Variants in B4GALNT3 observed in about 807,000 individuals in gnomAD.
B4GALNT3 encodes the protein beta-1,4-N-acetyl-galactosaminyltransferase 3, also known as beta-1,4-N-acetylgalactosaminyltransferase 3.
In B4GALNT3, 86 loss-of-function variants were observed where a neutral mutation model predicts 120.2. The ratio of observed to expected loss-of-function variants is 0.72; its 90% CI spans 0.60 to 0.86. The LOEUF (loss-of-function observed/expected upper bound fraction) is 0.86, where lower values mean the gene tolerates loss of function less well. B4GALNT3 is among the 40% of genes least tolerant of loss of function. The pLI, the probability that B4GALNT3 is intolerant of heterozygous loss-of-function variation, is 0.00. For missense variants in B4GALNT3, 1,167 were observed against 1,298.9 expected, an observed-to-expected ratio of 0.90 and a Z score of 1.56; for synonymous variants, 518 against 510.4, an observed-to-expected ratio of 1.01 and a Z score of -0.20.
chr12:553,121 C>T (rs1947103683), intron 13 of B4GALNT3, 73 bp from the exon 14 acceptor site: 7 of 1,565,276 alleles, frequency 4.5e-6, no homozygotes, highest in Admixed American at 3.5e-5. Context: ...GTATGATCAT[C>T]CTCTGTCTTG....
rs575924221 is a variant in B4GALNT3, at chr12:497,073, G to C, written c.169+36528G>C. ...TGGTCTCAAACGCCTGGCCTCAAGC[G>C]ATCCTTCCACCTCAGCCGCTGAGAG... On this transcript the variant is annotated intron_variant, in intron 1 of 19. Transcript: ENST00000266383. 8.5e-5 allele frequency among the ~76,000 whole-genome samples: 13 copies of C among 152,282 alleles called. No homozygotes were observed. In the South Asian group the frequency reaches 1.9e-3, roughly 22 times the overall value.
intron 1 of B4GALNT3, among the ~76,000 whole-genome samples, chr12:530,364 G>C (rs1227668167): frequency 6.6e-6 from 1 of 152,244 alleles, no homozygotes; most frequent in Non-Finnish European, 1.5e-5. Flanking sequence ...AAAGTGCTTT[G>C]AAGGGTTTTA....
intron 1 of B4GALNT3, among the ~76,000 whole-genome samples, chr12:485,391 C>G (rs563046228): frequency 6.6e-6 from 1 of 152,312 alleles, no homozygotes; most frequent in African/African-American, 2.4e-5. Context: ...AATCACTTGA[C>G]CACACAAATA....
intron 19 of B4GALNT3, among the ~76,000 whole-genome samples, chr12:560,711 T>C (rs1003667231): frequency 6.6e-6 from 1 of 152,222 alleles, no homozygotes; most frequent in African/African-American, 2.4e-5. Context: ...CACCTTGATC[T>C]CTGTGCTGGG....
Position 535,216 on chromosome 12 carries a change from C to G in B4GALNT3, c.220C>G (p.Pro74Ala). 1 of 1,613,958 alleles carries G rather than the reference C, an allele frequency of 6.2e-7. No homozygotes were observed. ...CAAGGCTCTGGCCAGCAGGAACATT[C>G]CAGCTGTGGATCCACACCTCCAGTT... Reference protein sequence around the residue: ...LAKALASRNIPAVDPHLQFYH... With the variant: ...LAKALASRNIAAVDPHLQFYH... Residue 74 changes from proline to alanine, a missense_variant, in exon 2 of 20, where the codon CCA becomes GCA. By Grantham distance (27) the Pro-to-Ala change is conservative (BLOSUM62 -1). Transcript: ENST00000266383.
intron 14 of B4GALNT3, 71 bp downstream of exon 14, chr12:554,054 C>T: frequency 9.1e-7 from 1 of 1,101,942 alleles, no homozygotes; most frequent in East Asian, 2.4e-5. Flanking sequence ...AAGGCAGGGG[C>T]CTAAGGGCTG....
At chr12:554,789 C>CAAAA (rs57194028) in intron 14 of B4GALNT3, among the ~76,000 whole-genome samples, 3 of 33,016 alleles carry the variant, frequency 9.1e-5, no homozygotes, top group Non-Finnish European at 1.2e-4. Context: ...GACTCCGTCT[C>CAAAA]AAAAAAAAAA....
chr12:491,759 A>G (rs1946341459), intron 1 of B4GALNT3, among the ~76,000 whole-genome samples: 2 of 152,098 alleles, frequency 1.3e-5, no homozygotes, highest in Non-Finnish European at 2.9e-5. Context: ...CATTGAAATC[A>G]GGAACAAGGC....
At position 545,485 on chromosome 12, in the gene B4GALNT3, C is replaced by T. The variant is rs1367755037; in HGVS notation, c.639+16C>T. 6.3e-7 allele frequency: 1 copy of T among 1,580,454 alleles called. No homozygotes were observed. Among genetic ancestry groups the T allele is most frequent in the Admixed American group, 1.8e-5 (1 of 54,552 alleles). ...TGTGGGCAAGGTAAGGCCAGCTCAA[C>T]CCCGGTCCCTCCCATCTGCTCCTGG... On this transcript the variant is annotated intron_variant, in intron 6 of 19. Transcript: ENST00000266383.
Position 471,245 on chromosome 12 carries a change from C to T in B4GALNT3, c.169+10700C>T, listed in dbSNP as rs975158865. On this transcript the variant is annotated intron_variant, in intron 1 of 19. Transcript: ENST00000266383. ...ACTAAAAATACAAAAATTAGCTGGA[C>T]GTGGTGGCACATGCCTGTAATCCAA... is the stretch of plus-strand genomic sequence containing the variant. Among the ~76,000 whole-genome samples the T allele has an allele frequency of 2.0e-5, 3 of 151,088 alleles. No homozygotes were observed. In the South Asian group the frequency reaches 6.3e-4, roughly 32 times the overall value.
chr12:514,298 C>T (rs1050422844), intron 1 of B4GALNT3, among the ~76,000 whole-genome samples: 41 of 138,156 alleles, frequency 3.0e-4, no homozygotes, highest in Admixed American at 6.9e-4. Flanking sequence ...CCCGGGTTCA[C>T]GCCATTCTCC....
chr12:558,455 C>T, intron 17 of B4GALNT3, 53 bp from the exon 18 acceptor site: 2 of 1,553,150 alleles, frequency 1.3e-6, no homozygotes, highest in South Asian at 2.2e-5. Context: ...GGCGACCTGA[C>T]CTCCTAGCTC....
chr12:521,783 A>G (rs1351983265), intron 1 of B4GALNT3, among the ~76,000 whole-genome samples: 3 of 152,136 alleles, frequency 2.0e-5, no homozygotes, highest in Non-Finnish European at 4.4e-5. Context: ...TACCGGCCTC[A>G]CTGAGGACAG....
At chr12:528,309 C>T (rs1406917228) in intron 1 of B4GALNT3, among the ~76,000 whole-genome samples, 23 of 151,988 alleles carry the variant, frequency 1.5e-4, no homozygotes, top group Non-Finnish European at 2.9e-5. Flanking sequence ...ACACTACAGC[C>T]CGAACCCCTG....
chr12:497,746 C>A (rs1041051803), intron 1 of B4GALNT3, among the ~76,000 whole-genome samples: 2 of 152,156 alleles, frequency 1.3e-5, no homozygotes, highest in African/African-American at 4.8e-5. Context: ...CTTGACCTCC[C>A]GCTCTTTGTG....
rs1195801595 is a variant in B4GALNT3 at position 550,025 on chromosome 12, A to G, written c.997+113A>G. 4.9e-6 allele frequency: 6 copies of G among 1,220,116 alleles called. No homozygotes were observed. The highest frequency in any genetic ancestry group is 1.5e-5 in the South Asian group (1 of 67,026). 75.6% of individuals were successfully genotyped at this position (1,220,116 alleles called of 1,614,324 possible). The stretch of plus-strand genomic sequence containing the variant: ...TGCCAAGTATCCCAATCACCGTAGA[A>G]CTTTTTATCGTCCTTGTAACATAGA... On this transcript the variant is annotated intron_variant, in intron 10 of 19. Coordinates refer to ENST00000266383, the MANE Select transcript of B4GALNT3 (RefSeq NM_173593.4). The surrounding 1 kb of genome is among the most constrained non-coding windows in gnomAD (Gnocchi z 4.1).
chr12:546,678 T>C lies in B4GALNT3; in HGVS notation c.672T>C (p.Phe224=), dbSNP rs1349040932. ...AGGAGTGGACCGCCCCGGGAGAGTT[T>C]GGGAAATTTCGGAGCCAAATTTCCA... ...TGKEWTAPGE[F]GKFRSQISKP... is the part of the protein sequence containing the mutation. Residue 224 remains phenylalanine (F), a synonymous_variant, in exon 7 of 20, where the codon TTT becomes TTC. Coordinates refer to ENST00000266383, the MANE Select transcript of B4GALNT3 (RefSeq NM_173593.4). 1 of 1,551,566 alleles carries C rather than the reference T, an allele frequency of 6.4e-7. No homozygotes were observed. Among genetic ancestry groups the C allele is most frequent in the South Asian group, 1.2e-5 (1 of 84,060 alleles).
Position 553,362 on chromosome 12 carries a change from C to T in B4GALNT3, c.1439C>T (p.Ala480Val), listed in dbSNP as rs760572522. Reference protein sequence around the residue: ...YRLRSLRKLLAQPREGLLAPF... With the variant: ...YRLRSLRKLLVQPREGLLAPF... Reference sequence around the variant, plus strand: ...CTCCGAAGCCTGCGGAAACTCCTGGCTCAGCCCCGGGAGGGCCTGCTGGCC... The same window carrying T: ...CTCCGAAGCCTGCGGAAACTCCTGGTTCAGCCCCGGGAGGGCCTGCTGGCC... Residue 480 changes from alanine (A) to valine (V), a missense_variant, in exon 14 of 20, where the codon GCT becomes GTT. Physicochemically the swap from Ala to Val is moderately conservative, Grantham distance 64. Coordinates refer to ENST00000266383, the MANE Select transcript of B4GALNT3 (RefSeq NM_173593.4). 166 of 1,613,660 alleles carry T rather than the reference C, an allele frequency of 1.0e-4. No homozygotes were observed. Among genetic ancestry groups the T allele is most frequent in the Non-Finnish European group, 1.4e-4 (162 of 1,180,060 alleles).
intron 1 of B4GALNT3, among the ~76,000 whole-genome samples, chr12:534,074 C>T (rs1023700503): frequency 2.0e-5 from 3 of 152,128 alleles, no homozygotes; most frequent in Non-Finnish European, 2.9e-5. Flanking sequence ...CAGTGCCCAG[C>T]GCAGCATCCT....
Sources: gnomAD v4.1 joint callset for allele counts (sites outside exome capture counted in the v4.1 genomes callset) on GRCh38, gnomAD v4.1.1 for gene constraint, Gnocchi (gnomAD v3.1) non-coding constraint, MANE v1.5 for transcripts, NCBI Gene and HGNC (gene_info 2026-07-23, HGNC 2026-07-21) for gene names.